The following ADAMTSL3 variants were observed in gnomAD, a reference collection of about 807,000 sequenced individuals.
ADAMTSL3 encodes ADAMTS-like protein 3.
A neutral mutation model predicts 201.7 loss-of-function variants in ADAMTSL3; 128 were observed. That is an observed-to-expected ratio of 0.63 (90% CI 0.55 to 0.73). The LOEUF (loss-of-function observed/expected upper bound fraction) is 0.73. Among genes scored for constraint, ADAMTSL3 ranks in the 30% least tolerant of loss-of-function variants. ADAMTSL3 has a pLI of 0.00. For synonymous variants in ADAMTSL3, 738 were observed against 748.4 expected (o/e 0.99, Z 0.23); for missense variants, 1,990 against 2,119.6 (o/e 0.94, Z 1.20).
At chr15:83,699,553 C>A (rs565753765) in intron 2 of ADAMTSL3, among the ~76,000 whole-genome samples, 97 of 152,352 alleles carry the variant, frequency 6.4e-4, no homozygotes, top group African/African-American at 2.2e-3. Flanking sequence ...ACTTTACCTT[C>A]TTCTAGCTCA....
intron 25 of ADAMTSL3, among the ~76,000 whole-genome samples, 169 bp downstream of exon 25, chr15:84,016,668 T>C (rs1282900702): frequency 6.6e-6 from 1 of 152,190 alleles, no homozygotes; most frequent in African/African-American, 2.4e-5. Flanking sequence ...AACTTATTCT[T>C]TCCATATTGA....
chr15:83,881,611 T>G (rs1481874245), intron 9 of ADAMTSL3, among the ~76,000 whole-genome samples: 1 of 152,144 alleles, frequency 6.6e-6, no homozygotes, highest in Non-Finnish European at 1.5e-5. Flanking sequence ...TCCCAGCACT[T>G]TGGGAGGCTG....
intron 2 of ADAMTSL3, among the ~76,000 whole-genome samples, chr15:83,679,012 A>G (rs1053615308): frequency 6.7e-6 from 1 of 150,374 alleles, no homozygotes; most frequent in Non-Finnish European, 1.5e-5. Context: ...TGTTCTGTTT[A>G]TTTTATTTTC....
In ADAMTSL3 at chr15:83,655,780, C is replaced by A. The variant is rs770561563; in HGVS notation, c.19C>A (p.Pro7Thr). The A allele has an allele frequency of 6.2e-7, 1 of 1,614,092 alleles. No homozygotes were observed. Among genetic ancestry groups the A allele is most frequent in the Non-Finnish European group, 8.5e-7 (1 of 1,180,020 alleles). ...AGACCCCATGGCTTCCTGGACGAGCCCCTGGTGGGTGCTGATAGGGATGGT... is the reference window on the plus strand; with the variant it reads ...AGACCCCATGGCTTCCTGGACGAGCACCTGGTGGGTGCTGATAGGGATGGT... MASWTS[P>T]WWVLIGMVFM... The change falls in exon 2 of 30, where the codon CCC (proline) becomes ACC (threonine). Residue 7 changes from proline (P) to threonine (T), a missense_variant. Pro to Thr is a conservative substitution (Grantham distance 38, BLOSUM62 -1). Coordinates refer to ENST00000286744, the MANE Select transcript of ADAMTSL3 (RefSeq NM_207517.3).
chr15:83,940,318 A>G (rs1312519886), intron 17 of ADAMTSL3, among the ~76,000 whole-genome samples: 1 of 152,202 alleles, frequency 6.6e-6, no homozygotes, highest in Non-Finnish European at 1.5e-5. Context: ...TGCCATAACA[A>G]AATACCGTAA....
At chr15:83,689,481 A>G (rs560354420) in intron 2 of ADAMTSL3, among the ~76,000 whole-genome samples, 1 of 152,332 alleles carries the variant, frequency 6.6e-6, no homozygotes, top group East Asian at 1.9e-4. Flanking sequence ...TGGATTTTAT[A>G]CAAATGGAAT....
rs1166229435 is a variant in ADAMTSL3, at chr15:84,031,392, C to T, written c.4714C>T (p.Gln1572Ter). 4 of 1,613,940 alleles carry T rather than the reference C, an allele frequency of 2.5e-6. No individual in the cohort carries two copies. In the East Asian group the frequency reaches 8.9e-5, roughly 36 times the overall value. Residue 1572 changes from glutamine (Q) to a stop codon, truncating the protein, a stop_gained, in exon 28 of 30, where the codon CAA (glutamine) becomes TAA (stop). Transcript: ENST00000286744. LOFTEE classifies it high-confidence loss of function. The stretch of plus-strand genomic sequence containing the variant: ...GATGCAGCAGCGTCACACAGCTTGT[C>T]AACACAACAGCTCTGACTCCAACTG... ...VRMQQRHTAC[Q>*]HNSSDSNCDD... is the part of the protein sequence containing the mutation.
chr15:83,682,682 T>C (rs2061491191), intron 2 of ADAMTSL3, among the ~76,000 whole-genome samples: 1 of 152,194 alleles, frequency 6.6e-6, no homozygotes, highest in African/African-American at 2.4e-5. Flanking sequence ...GGAAGCATGA[T>C]AGTGCCGTAG....
intron 21 of ADAMTSL3, among the ~76,000 whole-genome samples, chr15:83,985,910 A>T (rs2067465985): frequency 6.6e-6 from 1 of 152,010 alleles, no homozygotes; most frequent in Admixed American, 6.6e-5. Flanking sequence ...GATTACAGGC[A>T]TGAGTCGCCA....
At chr15:83,924,133 G>A (rs1270224704) in intron 17 of ADAMTSL3, 100 bp downstream of exon 17, 1 of 1,453,584 alleles carries the variant, frequency 6.9e-7, no homozygotes, top group Non-Finnish European at 9.3e-7. Context: ...CTTCACCCAA[G>A]GTAGATGTGC....
intron 3 of ADAMTSL3, among the ~76,000 whole-genome samples, chr15:83,746,367 A>G (rs1025570191): frequency 8.6e-5 from 13 of 151,552 alleles, no homozygotes; most frequent in African/African-American, 3.1e-4. Flanking sequence ...TGTGAACACT[A>G]TAGTCTTGTT....
intron 15 of ADAMTSL3, among the ~76,000 whole-genome samples, chr15:83,906,560 T>C (rs994731008): frequency 6.6e-6 from 1 of 151,250 alleles, no homozygotes; most frequent in Non-Finnish European, 1.5e-5. Context: ...TAAATGTGGT[T>C]GAATTCTGGG....
At chr15:83,937,180 A>C (rs1596440134) in intron 17 of ADAMTSL3, among the ~76,000 whole-genome samples, 1 of 150,996 alleles carries the variant, frequency 6.6e-6, no homozygotes, top group African/African-American at 2.5e-5. Flanking sequence ...AAGAATTATA[A>C]ATCATTCTAC....
intron 3 of ADAMTSL3, among the ~76,000 whole-genome samples, chr15:83,771,097 C>T (rs1395466225): frequency 6.6e-6 from 1 of 151,626 alleles, no homozygotes; most frequent in South Asian, 2.1e-4. Context: ...AAACAAAAAG[C>T]CCACAAAACA....
chr15:83,716,637 G>A (rs1013564065), intron 3 of ADAMTSL3, among the ~76,000 whole-genome samples: 14 of 151,958 alleles, frequency 9.2e-5, no homozygotes, highest in Non-Finnish European at 1.6e-4. Flanking sequence ...GTGTGTGTGT[G>A]TGTTTGTAAT....
At chr15:83,683,221 A>T (rs976550689) in intron 2 of ADAMTSL3, among the ~76,000 whole-genome samples, 8 of 152,188 alleles carry the variant, frequency 5.3e-5, no homozygotes, top group African/African-American at 1.9e-4. Flanking sequence ...TTACCCTTGC[A>T]TGTGGCTTGT....
intron 25 of ADAMTSL3, among the ~76,000 whole-genome samples, chr15:84,019,892 CAA>C (rs1219615275): frequency 7.7e-5 from 5 of 65,180 alleles, no homozygotes; most frequent in Admixed American, 1.6e-4. Flanking sequence ...GACTCTGTCT[CAA>C]AAAAAAAAAA....
chr15:83,775,588 T>A (rs1389381507), intron 4 of ADAMTSL3, among the ~76,000 whole-genome samples: 1 of 152,168 alleles, frequency 6.6e-6, no homozygotes, highest in African/African-American at 2.4e-5. Flanking sequence ...TCTTTTCTAC[T>A]CGTACTCAGA....
intron 9 of ADAMTSL3, among the ~76,000 whole-genome samples, chr15:83,877,992 C>T (rs1400233746): frequency 6.6e-6 from 1 of 152,088 alleles, no homozygotes; most frequent in Non-Finnish European, 1.5e-5. Flanking sequence ...GCAATTGTGA[C>T]ATCTGCAAAT....
Sources: gnomAD v4.1 joint callset for allele counts (sites outside exome capture counted in the v4.1 genomes callset) on GRCh38, gnomAD v4.1.1 for gene constraint, MANE v1.5 for transcripts, NCBI Gene and HGNC (gene_info 2026-07-23, HGNC 2026-07-21) for gene names.